MARCHF1: variants seen among roughly 807,000 people sequenced by gnomAD.
MARCHF1 encodes the protein membrane associated ring-CH-type finger 1.
MARCHF1 carries 40 observed loss-of-function variants against 54.2 expected under a neutral mutation model. The ratio of observed to expected loss-of-function variants is 0.74; its 90% CI spans 0.57 to 0.96. The LOEUF (loss-of-function observed/expected upper bound fraction) is 0.96, where lower values mean the gene tolerates loss of function less well. Ranked by LOEUF, MARCHF1 falls within the 40% of genes least tolerant of loss-of-function variation. MARCHF1 has a pLI of 0.00. For synonymous variants in MARCHF1, 236 were observed against 236.3 expected (o/e 1.00, Z 0.01); for missense variants, 586 against 656.5 (o/e 0.89, Z 1.17).
chr4:164,010,064 T>A (rs1336121493), intron 2 of MARCHF1, among the ~76,000 whole-genome samples: 1 of 4,490 alleles, frequency 2.2e-4, no homozygotes, highest in Non-Finnish European at 7.9e-3. Context: ...AAAAAACTCT[T>A]TTTTTTTTTT....
At chr4:163,907,626 T>C (rs1265772757) in intron 3 of MARCHF1, among the ~76,000 whole-genome samples, 1 of 152,068 alleles carries the variant, frequency 6.6e-6, no homozygotes, top group Non-Finnish European at 1.5e-5. Context: ...AATAAGATAA[T>C]AATCATGCGT....
intron 1 of MARCHF1, among the ~76,000 whole-genome samples, chr4:164,265,775 T>C (rs911926605): frequency 2.6e-5 from 4 of 152,050 alleles, no homozygotes; most frequent in African/African-American, 2.4e-5. Context: ...CTGACCTTTG[T>C]ACCTGTTCTT....
intron 1 of MARCHF1, among the ~76,000 whole-genome samples, chr4:164,294,769 CAAA>C (rs894769319): frequency 4.6e-5 from 7 of 151,996 alleles, no homozygotes; most frequent in Non-Finnish European, 1.0e-4. Flanking sequence ...TTCTTGGCCT[CAAA>C]AAATTACAAA....
At chr4:163,924,039 G>A (rs1412756263) in intron 3 of MARCHF1, among the ~76,000 whole-genome samples, 2 of 152,024 alleles carry the variant, frequency 1.3e-5, no homozygotes, top group Non-Finnish European at 2.9e-5. Flanking sequence ...TGTATTTTGT[G>A]TTAAAATGTA....
intron 1 of MARCHF1, among the ~76,000 whole-genome samples, chr4:164,259,977 T>A (rs1340534404): frequency 6.6e-6 from 1 of 152,178 alleles, no homozygotes; most frequent in Non-Finnish European, 1.5e-5. Context: ...GATGATTTAA[T>A]CTGTAGGAGG....
chr4:164,344,131 C>T (rs1274914673), intron 1 of MARCHF1, among the ~76,000 whole-genome samples: 2 of 152,100 alleles, frequency 1.3e-5, no homozygotes, highest in African/African-American at 2.4e-5. Context: ...GAACAGAAAA[C>T]CAAATACCAC....
chr4:163,574,633 G>A lies in MARCHF1; in HGVS notation c.1191+11116C>T, dbSNP rs1235505261. Reference sequence around the variant, plus strand: ...AAAGATCAGATAGTTGTAGATATGCGGTGTTATTTCTGAGGGCTCTGTTCT... The same window carrying A: ...AAAGATCAGATAGTTGTAGATATGCAGTGTTATTTCTGAGGGCTCTGTTCT... On this transcript the variant is annotated intron_variant, in intron 8 of 9. Transcript: ENST00000514618. Among the ~76,000 whole-genome samples the A allele has an allele frequency of 1.3e-4, 20 of 149,980 alleles. No homozygotes were observed. The East Asian group carries it at 3.0e-3, about 22-fold the overall frequency.
chr4:163,554,202 TAAAGTA>T (rs1739208383), intron 8 of MARCHF1, among the ~76,000 whole-genome samples: 1 of 152,210 alleles, frequency 6.6e-6, no homozygotes, highest in African/African-American at 2.4e-5. Flanking sequence ...TGCATTTATT[TAAAGTA>T]ATAGTAAGAG....
chr4:164,107,217 G>C (rs575957357), intron 2 of MARCHF1, among the ~76,000 whole-genome samples: 6 of 151,898 alleles, frequency 4.0e-5, no homozygotes, highest in Non-Finnish European at 7.4e-5. Flanking sequence ...ATATATCAGT[G>C]GTTTTTGACT....
chr4:163,717,852 T>C (rs915366809), intron 4 of MARCHF1, among the ~76,000 whole-genome samples: 18 of 152,196 alleles, frequency 1.2e-4, no homozygotes, highest in Non-Finnish European at 2.9e-5. Context: ...TTGTCTGTTT[T>C]TTTCTTGTAA....
At chr4:164,358,299 C>G (rs966495858) in intron 1 of MARCHF1, among the ~76,000 whole-genome samples, 1 of 152,058 alleles carries the variant, frequency 6.6e-6, no homozygotes, top group Admixed American at 6.6e-5. Context: ...AAAGGGGAAG[C>G]CTTGAACTTG....
chr4:164,359,456 T>C (rs1561018155), intron 1 of MARCHF1, among the ~76,000 whole-genome samples: 1 of 152,164 alleles, frequency 6.6e-6, no homozygotes, highest in Non-Finnish European at 1.5e-5. Context: ...AAGAGAGACA[T>C]TTCCTATGGT....
At chr4:164,304,301 A>C (rs538095600) in intron 1 of MARCHF1, among the ~76,000 whole-genome samples, 1 of 152,350 alleles carries the variant, frequency 6.6e-6, no homozygotes, top group South Asian at 2.1e-4. Flanking sequence ...CAGTCTATTA[A>C]ATGCTAAAGA....
At chr4:164,098,310 G>A (rs1755459701) in intron 2 of MARCHF1, among the ~76,000 whole-genome samples, 1 of 152,082 alleles carries the variant, frequency 6.6e-6, no homozygotes, top group Admixed American at 6.6e-5. Context: ...CACTATATTT[G>A]TTTAGCTTCT....
intron 1 of MARCHF1, among the ~76,000 whole-genome samples, chr4:164,345,551 C>T (rs1313169203): frequency 1.3e-5 from 2 of 150,088 alleles, no homozygotes; most frequent in African/African-American, 4.9e-5. Context: ...GCCTGGGCAA[C>T]TGAGCAAGAA....
At chr4:164,186,852 T>G (rs538577788) in intron 1 of MARCHF1, among the ~76,000 whole-genome samples, 2 of 152,314 alleles carry the variant, frequency 1.3e-5, no homozygotes, top group South Asian at 4.1e-4. Flanking sequence ...GGTGTGTGAC[T>G]AAATCCCAAA....
intron 1 of MARCHF1, among the ~76,000 whole-genome samples, chr4:164,358,076 T>C (rs903952970): frequency 2.0e-5 from 3 of 152,016 alleles, no homozygotes; most frequent in African/African-American, 7.2e-5. Context: ...TTGAGGAAGG[T>C]GAGAAAATTC....
intron 5 of MARCHF1, among the ~76,000 whole-genome samples, chr4:163,667,150 A>T (rs71614775): frequency 0.2 from 30,315 of 151,662 alleles, 3,567 homozygotes; most frequent in East Asian, 0.43. Context: ...TTCTTTTTTT[A>T]AAAAAAAATT....
intron 3 of MARCHF1, among the ~76,000 whole-genome samples, chr4:163,878,262 A>T (rs1034423390): frequency 2.0e-5 from 3 of 152,206 alleles, no homozygotes; most frequent in African/African-American, 7.2e-5. Context: ...AGCAGTGGAG[A>T]TAAGCAACAG....
Sources: allele counts gnomAD v4.1 joint callset (sites outside exome capture counted in the v4.1 genomes callset), GRCh38; gene constraint gnomAD v4.1.1; transcripts MANE v1.5; gene names NCBI Gene and HGNC (gene_info 2026-07-23, HGNC 2026-07-21).